The following TLK1 variants were observed in gnomAD, a reference collection of about 807,000 sequenced individuals.
TLK1 encodes the protein tousled like kinase 1.
Under a neutral mutation model 105.3 loss-of-function variants are expected in TLK1, and 24 were observed. The observed-to-expected ratio is 0.23, with a 90% CI of 0.17 to 0.32. TLK1 has a LOEUF of 0.32. TLK1 is among the 10% of genes least tolerant of loss of function. TLK1 has a pLI of 1.00. For missense variants in TLK1, 558 were observed against 910.5 expected (o/e 0.61, Z 4.98); for synonymous variants, 321 against 310.4 (o/e 1.03, Z -0.36).
At chr2:171,026,928 C>G (rs992018654) in intron 12 of TLK1, among the ~76,000 whole-genome samples, 2 of 152,012 alleles carry the variant, frequency 1.3e-5, no homozygotes, top group East Asian at 3.8e-4. Context: ...TACAATAGAA[C>G]AGAATAGAAC....
In TLK1 at chr2:171,015,694, CACACATAT is replaced by C. The variant is rs764438695; in HGVS notation, c.1237-754_1237-747del. Among the ~76,000 whole-genome samples the C allele has an allele frequency of 3.4e-3, 12 of 3,546 alleles. No homozygotes were observed. The Middle Eastern group carries it at 0.17, about 49-fold the overall frequency. 2.3% of individuals were successfully genotyped at this position (3,546 alleles called of 152,430 possible). ...CATTCATGTCATTCATTCATACACA[CACACATAT>C]ACACACACACACACACACACACACA... On this transcript the variant is annotated intron_variant, in intron 12 of 20. Transcript: ENST00000431350.
chr2:170,999,434 A>T (rs1684251481), intron 18 of TLK1, among the ~76,000 whole-genome samples: 1 of 152,228 alleles, frequency 6.6e-6, no homozygotes, highest in African/African-American at 2.4e-5. Context: ...TGTGTAACTG[A>T]AACAGGAATA....
At chr2:171,161,161 C>T (rs1692486875), upstream of TLK1, among the ~76,000 whole-genome samples, 1 of 143,616 alleles carries the variant, frequency 7.0e-6, no homozygotes, top group African/African-American at 2.5e-5. Context: ...CTCGCGTGCG[C>T]GGGGGCAGCG....
At chr2:171,028,451 A>G (rs769187532) in intron 11 of TLK1, 46 bp from the exon 12 acceptor site, 4 of 1,272,976 alleles carry the variant, frequency 3.1e-6, no homozygotes, top group Admixed American at 1.8e-5. Context: ...ATTAATACTT[A>G]GTTTATTAAC....
chr2:171,199,510 T>TA lies in TLK1; in HGVS notation c.-6+31634dup, dbSNP rs71013024. Among the ~76,000 whole-genome samples, 198 of 147,368 alleles carry TA rather than the reference T, an allele frequency of 1.3e-3. 4 individuals carry two copies. The South Asian group carries it at 0.028, about 21-fold the overall frequency. Reference sequence around the variant, plus strand: ...CCTGGGTGACAGAGTGAGACCTGGTTAAAAAAAAAAAAAAATCAGAAACAA... The same window carrying TA: ...CCTGGGTGACAGAGTGAGACCTGGTTAAAAAAAAAAAAAAAATCAGAAACAA... On this transcript the variant is annotated intron_variant, in intron 1 of 20. Transcript: ENST00000521943.
chr2:171,042,319 TC>T (rs1434514841), intron 11 of TLK1, among the ~76,000 whole-genome samples: 2 of 152,118 alleles, frequency 1.3e-5, no homozygotes, highest in Non-Finnish European at 2.9e-5. Context: ...TGATCATAGC[TC>T]ACTGTAATCA....
intron 11 of TLK1, chr2:171,045,248 T>G (rs1686896674): frequency 1.1e-5 from 1 of 90,204 alleles, no homozygotes; most frequent in Admixed American, 1.2e-4. Context: ...TTTTTTTTTT[T>G]GAGAAAGTCT....
intron 1 of TLK1, among the ~76,000 whole-genome samples, chr2:171,202,799 T>C (rs936922762): frequency 2.0e-5 from 3 of 152,166 alleles, no homozygotes; most frequent in African/African-American, 7.2e-5. Context: ...TTTATATTTA[T>C]CTACTTAACA....
intron 3 of TLK1, among the ~76,000 whole-genome samples, chr2:171,065,997 G>GA (rs1335878147): frequency 2.0e-5 from 3 of 152,162 alleles, no homozygotes; most frequent in African/African-American, 7.2e-5. Flanking sequence ...TGTGAGACAG[G>GA]AAAATGTTTG....
At chr2:171,021,613 T>C (rs920005641) in intron 12 of TLK1, among the ~76,000 whole-genome samples, 7 of 152,118 alleles carry the variant, frequency 4.6e-5, no homozygotes, top group Non-Finnish European at 1.0e-4. Context: ...ATTATGCATA[T>C]GGCATGGATT....
intron 4 of TLK1, among the ~76,000 whole-genome samples, chr2:171,058,680 C>T (rs555232275): frequency 6.6e-6 from 1 of 152,190 alleles, no homozygotes; most frequent in Admixed American, 6.5e-5. Context: ...TATGACCACG[C>T]TGACAAAGTG....
chr2:171,194,901 A>G (rs1040452651), intron 1 of TLK1, among the ~76,000 whole-genome samples: 1 of 152,138 alleles, frequency 6.6e-6, no homozygotes, highest in Admixed American at 6.5e-5. Flanking sequence ...TATTAGAAAA[A>G]AGAGGGAGGA....
At chr2:171,131,755 T>C (rs1691114416) in intron 1 of TLK1, among the ~76,000 whole-genome samples, 1 of 151,724 alleles carries the variant, frequency 6.6e-6, no homozygotes, top group African/African-American at 2.4e-5. Context: ...GCCAAAAAAA[T>C]CCCACTCATA....
At chr2:171,035,503 A>G (rs1686284425) in intron 11 of TLK1, among the ~76,000 whole-genome samples, 1 of 152,166 alleles carries the variant, frequency 6.6e-6, no homozygotes, top group Non-Finnish European at 1.5e-5. Flanking sequence ...TAACTTGCCC[A>G]GTCTCGGGTA....
intron 3 of TLK1, among the ~76,000 whole-genome samples, chr2:171,063,866 A>C (rs1271880650): frequency 2.0e-5 from 3 of 152,222 alleles, no homozygotes; most frequent in East Asian, 3.8e-4. Flanking sequence ...AGATACAATA[A>C]ATTTTCAAAA....
intron 2 of TLK1, among the ~76,000 whole-genome samples, chr2:171,101,012 C>T (rs908247958): frequency 6.6e-6 from 1 of 152,126 alleles, no homozygotes. Context: ...ACAATACATA[C>T]TATAACATCT....
chr2:171,016,217 C>T (rs989226377), intron 12 of TLK1, among the ~76,000 whole-genome samples: 1 of 152,208 alleles, frequency 6.6e-6, no homozygotes, highest in African/African-American at 2.4e-5. Flanking sequence ...TCACAGTTCA[C>T]TGCAGCCTCG....
At chr2:171,164,926 G>A (rs1417406750), upstream of TLK1, among the ~76,000 whole-genome samples, 1 of 152,122 alleles carries the variant, frequency 6.6e-6, no homozygotes, top group Non-Finnish European at 1.5e-5. Flanking sequence ...TTCTAGACTA[G>A]CCTGGGCAAC....
intron 6 of TLK1, 115 bp downstream of exon 6, chr2:171,056,356 A>C (rs1203661639): frequency 4.3e-6 from 3 of 697,090 alleles, no homozygotes; most frequent in Non-Finnish European, 4.6e-6. Context: ...ATTAAAAGAT[A>C]AATGCTAACT....
Sources: gnomAD v4.1 joint callset for allele counts (sites outside exome capture counted in the v4.1 genomes callset) on GRCh38, gnomAD v4.1.1 for gene constraint, MANE v1.5 for transcripts, NCBI Gene and HGNC (gene_info 2026-07-23, HGNC 2026-07-21) for gene names.